Variants in TLN2 observed in about 807,000 individuals in gnomAD.
TLN2 encodes the protein talin 2.
A neutral mutation model predicts 294.7 loss-of-function variants in TLN2; 118 were observed. The observed-to-expected ratio is 0.40, with a 90% CI of 0.34 to 0.47. The LOEUF (loss-of-function observed/expected upper bound fraction) is 0.47. Ranked by LOEUF, TLN2 falls within the 20% of genes least tolerant of loss-of-function variation. The pLI, the probability that TLN2 is intolerant of heterozygous loss-of-function variation, is 0.84. For missense variants in TLN2, 3,083 were observed against 3,282.2 expected (o/e 0.94, Z 1.48); for synonymous variants, 1,431 against 1,304.5 (o/e 1.10, Z -2.09).
intron 3 of TLN2, among the ~76,000 whole-genome samples, chr15:62,634,992 T>C (rs1167531586): frequency 6.6e-6 from 1 of 152,266 alleles, no homozygotes; most frequent in African/African-American, 2.4e-5. Flanking sequence ...CTCCCATTCA[T>C]TCCTTTGTCA....
At chr15:62,705,229 G>A (rs1168275945) in intron 19 of TLN2, among the ~76,000 whole-genome samples, 1 of 152,182 alleles carries the variant, frequency 6.6e-6, no homozygotes, top group Non-Finnish European at 1.5e-5. Flanking sequence ...GTTTTCAATT[G>A]TTTAGCTCTC....
chr15:62,490,451 T>G (rs1396004236), intron 1 of TLN2, among the ~76,000 whole-genome samples: 7 of 152,222 alleles, frequency 4.6e-5, no homozygotes, highest in Middle Eastern at 3.2e-3. Flanking sequence ...GACAGTTGGT[T>G]GGAAACATAA....
At chr15:62,497,874 G>C (rs1002917546) in intron 1 of TLN2, among the ~76,000 whole-genome samples, 1 of 152,016 alleles carries the variant, frequency 6.6e-6, no homozygotes, top group Non-Finnish European at 1.5e-5. Context: ...TCCCCGTGCT[G>C]CTGACCAAGC....
intron 20 of TLN2, among the ~76,000 whole-genome samples, chr15:62,708,272 T>C (rs1320860834): frequency 6.6e-6 from 1 of 152,086 alleles, no homozygotes; most frequent in Non-Finnish European, 1.5e-5. Flanking sequence ...AAGTTATAAA[T>C]TAGTGGGACA....
At chr15:62,656,650 C>A (rs1340193592) in intron 8 of TLN2, among the ~76,000 whole-genome samples, 1 of 152,160 alleles carries the variant, frequency 6.6e-6, no homozygotes, top group African/African-American at 2.4e-5. Flanking sequence ...CCTCTCCTAC[C>A]AGCTTCCTTT....
At chr15:62,709,072 C>T (rs1031179823) in intron 21 of TLN2, among the ~76,000 whole-genome samples, 2 of 152,178 alleles carry the variant, frequency 1.3e-5, no homozygotes, top group African/African-American at 4.8e-5. Context: ...TGCGAATGCA[C>T]GTGTTGGGTA....
At chr15:62,819,112 G>A (rs2067348102) in intron 52 of TLN2, among the ~76,000 whole-genome samples, 2 of 151,906 alleles carry the variant, frequency 1.3e-5, no homozygotes, top group Admixed American at 6.5e-5. Context: ...CTCCCACCTC[G>A]GCCTCCCAAA....
intron 45 of TLN2, chr15:62,784,835 G>A (rs544075567): frequency 2.0e-5 from 3 of 152,376 alleles, no homozygotes; most frequent in African/African-American, 7.2e-5. Context: ...GAGTTGTCAA[G>A]GCAGAAGGTT....
At chr15:62,552,339 A>G (rs909265053) in intron 1 of TLN2, among the ~76,000 whole-genome samples, 19 of 152,292 alleles carry the variant, frequency 1.2e-4, no homozygotes, top group African/African-American at 4.6e-4. Flanking sequence ...ATATTTGTCA[A>G]TTTGCCTACT....
chr15:62,443,818 G>A (rs1238002208), intron 1 of TLN2, among the ~76,000 whole-genome samples: 1 of 152,034 alleles, frequency 6.6e-6, no homozygotes, highest in Non-Finnish European at 1.5e-5. Flanking sequence ...CCTTGGTAAC[G>A]GCGAAACCCT....
At chr15:62,436,736 T>C (rs2035304407) in intron 1 of TLN2, among the ~76,000 whole-genome samples, 1 of 152,222 alleles carries the variant, frequency 6.6e-6, no homozygotes. Context: ...TTATTTATTT[T>C]TTTTAGAGGC....
chr15:62,547,279 G>C (rs1298865177), intron 1 of TLN2, among the ~76,000 whole-genome samples: 1 of 152,214 alleles, frequency 6.6e-6, no homozygotes, highest in Admixed American at 6.5e-5. Context: ...TCCTTGTGCA[G>C]ATAAGGGACA....
chr15:62,712,909 A>C (rs546870012), intron 22 of TLN2, among the ~76,000 whole-genome samples: 53 of 152,344 alleles, frequency 3.5e-4, no homozygotes, highest in African/African-American at 1.3e-3. Flanking sequence ...TGAAAAAAGA[A>C]AATAAAAATC....
chr15:62,421,673 G>A (rs548552475), intron 1 of TLN2, among the ~76,000 whole-genome samples: 6 of 151,912 alleles, frequency 3.9e-5, no homozygotes, highest in African/African-American at 7.2e-5. Flanking sequence ...GGGCCTATTG[G>A]AGGGTAGGGG....
At chr15:62,801,255 T>C (rs904196954) in intron 50 of TLN2, among the ~76,000 whole-genome samples, 1 of 152,296 alleles carries the variant, frequency 6.6e-6, no homozygotes, top group Non-Finnish European at 1.5e-5. Context: ...TTCTTTCCAT[T>C]GGAGTCATCT....
At position 62,776,700 on chromosome 15, in the gene TLN2, A is replaced by G. The variant is rs2063741243; in HGVS notation, c.5368-64A>G. 3.7e-6 allele frequency: 5 copies of G among 1,335,648 alleles called. No homozygotes were observed. In the South Asian group the frequency reaches 1.2e-4, roughly 31 times the overall value. 82.7% of individuals were successfully genotyped at this position (1,335,648 alleles called of 1,614,324 possible). A position where few individuals can be genotyped will look rare whatever the true frequency, so the allele number is the denominator to read the frequency against. The stretch of plus-strand genomic sequence containing the variant: ...GTTTTATATTCTACTTTTGAAGGTT[A>G]TTCTTAGAAGACTGAGCACCGCTCT... On this transcript the variant is annotated intron_variant, in intron 42 of 58. Coordinates refer to ENST00000636159, the MANE Select transcript of TLN2 (RefSeq NM_015059.3).
At chr15:62,472,929 C>T (rs1192958144) in intron 1 of TLN2, among the ~76,000 whole-genome samples, 2 of 152,176 alleles carry the variant, frequency 1.3e-5, no homozygotes, top group Non-Finnish European at 2.9e-5. Flanking sequence ...CAGGGTTCCT[C>T]CTAAGTCTGT....
chr15:62,788,107 T>G (rs2064822914), intron 45 of TLN2, among the ~76,000 whole-genome samples: 1 of 149,538 alleles, frequency 6.7e-6, no homozygotes, highest in Non-Finnish European at 1.5e-5. Flanking sequence ...GGCCAGGAGT[T>G]CGAGACCAGC....
At chr15:62,537,993 G>T (rs577894842) in intron 1 of TLN2, among the ~76,000 whole-genome samples, 3 of 152,124 alleles carry the variant, frequency 2.0e-5, no homozygotes, top group African/African-American at 7.2e-5. Flanking sequence ...AGGCTGAGGC[G>T]GGTGGATTGC....
Sources: allele counts gnomAD v4.1 joint callset (sites outside exome capture counted in the v4.1 genomes callset), GRCh38; gene constraint gnomAD v4.1.1; transcripts MANE v1.5; gene names NCBI Gene and HGNC (gene_info 2026-07-23, HGNC 2026-07-21).